The following INSYN2B variants were observed in gnomAD, a reference collection of about 807,000 sequenced individuals.
The protein encoded by INSYN2B is protein INSYN2B.
INSYN2B carries 16 observed loss-of-function variants against 41.2 expected under a neutral mutation model. The observed-to-expected ratio is 0.39, with a 90% CI of 0.26 to 0.59. The LOEUF (loss-of-function observed/expected upper bound fraction) is 0.59. Ranked by LOEUF, INSYN2B falls within the 20% of genes least tolerant of loss-of-function variation. The probability of loss-of-function intolerance (pLI) is 0.57; values close to 1 mark genes in which losing one functional copy is unlikely to be tolerated. For synonymous variants in INSYN2B, 245 were observed against 244.4 expected (o/e 1.00, Z -0.02); for missense variants, 608 against 646.4 (o/e 0.94, Z 0.64).
At chr5:169,937,471 G>A (rs1005683543) in intron 1 of INSYN2B, among the ~76,000 whole-genome samples, 2 of 152,184 alleles carry the variant, frequency 1.3e-5, no homozygotes, top group African/African-American at 4.8e-5. Flanking sequence ...GATGCTGCAC[G>A]CTTATCTGTG....
chr5:169,938,522 T>C (rs1776091478), intron 1 of INSYN2B, among the ~76,000 whole-genome samples: 1 of 152,182 alleles, frequency 6.6e-6, no homozygotes, highest in South Asian at 2.1e-4. Flanking sequence ...TTTCTAAACA[T>C]AGAAAAAGCA....
At chr5:169,957,332 T>C (rs991182129) in intron 1 of INSYN2B, among the ~76,000 whole-genome samples, 5 of 152,242 alleles carry the variant, frequency 3.3e-5, no homozygotes, top group Non-Finnish European at 7.3e-5. Flanking sequence ...TCCTACTTTG[T>C]AGGATTGTCA....
At chr5:169,880,331 G>T (rs556930042) in intron 3 of INSYN2B, among the ~76,000 whole-genome samples, 63 of 152,308 alleles carry the variant, frequency 4.1e-4, no homozygotes, top group African/African-American at 1.4e-3. Flanking sequence ...CAGGCATATG[G>T]TCTCTTACTC....
rs534180108 is a variant in INSYN2B, at chr5:169,869,564, A to C, written c.1422-5105T>G. 1.2e-4 allele frequency among the ~76,000 whole-genome samples: 19 copies of C among 152,216 alleles called. No homozygotes were observed. The South Asian group carries it at 3.9e-3, about 32-fold the overall frequency. On this transcript the variant is annotated intron_variant, in intron 3 of 3. Transcript: ENST00000377365. Reference sequence around the variant, plus strand: ...ATTTTGCTTTGGTGGCAGCTGCCTTATAAATGGGGAGGGACAGAGCCCTCT... The same window carrying C: ...ATTTTGCTTTGGTGGCAGCTGCCTTCTAAATGGGGAGGGACAGAGCCCTCT...
Position 169,975,196 on chromosome 5 carries a change from A to C in INSYN2B, c.-919+5081T>G, listed in dbSNP as rs563130343. ...GTGACAACCATCAGGAATGAGGAAG[A>C]GTCAACATTTAAAACATAATTTGTG... On this transcript the variant is annotated intron_variant, in intron 1 of 3. Coordinates refer to ENST00000377365, the MANE Select transcript of INSYN2B (RefSeq NM_001129891.3). Among the ~76,000 whole-genome samples, 106 of 152,326 alleles carry C rather than the reference A, an allele frequency of 7.0e-4. 1 individual carries two copies. Among genetic ancestry groups the C allele is most frequent in the African/African-American group, 2.4e-3 (99 of 41,570 alleles).
intron 3 of INSYN2B, among the ~76,000 whole-genome samples, chr5:169,879,179 G>A (rs1434871799): frequency 6.6e-6 from 1 of 152,164 alleles, no homozygotes; most frequent in Admixed American, 6.5e-5. Context: ...GACCCAGTGG[G>A]CAATCCATCA....
intron 1 of INSYN2B, among the ~76,000 whole-genome samples, chr5:169,936,151 A>G (rs887777963): frequency 6.6e-6 from 1 of 152,208 alleles, no homozygotes; most frequent in African/African-American, 2.4e-5. Context: ...GGAGATGGAG[A>G]ACAAAATCAA....
intron 1 of INSYN2B, among the ~76,000 whole-genome samples, chr5:169,915,969 T>C (rs1774851904): frequency 6.6e-6 from 1 of 152,160 alleles, no homozygotes; most frequent in South Asian, 2.1e-4. Context: ...TGTAAGATGA[T>C]AAAAAACATG....
chr5:169,922,534 A>G (rs138697187), intron 1 of INSYN2B, among the ~76,000 whole-genome samples: 15 of 152,358 alleles, frequency 9.8e-5, no homozygotes, highest in Non-Finnish European at 4.4e-5. Flanking sequence ...TCACCTTTGA[A>G]TAATACCAAC....
At chr5:169,949,611 G>C (rs1009823583) in intron 1 of INSYN2B, among the ~76,000 whole-genome samples, 1 of 148,930 alleles carries the variant, frequency 6.7e-6, no homozygotes, top group Non-Finnish European at 1.5e-5. Context: ...ATGTGAAATG[G>C]AATGCCATGA....
intron 1 of INSYN2B, among the ~76,000 whole-genome samples, chr5:169,967,830 A>G (rs780502921): frequency 6.6e-6 from 1 of 152,048 alleles, no homozygotes; most frequent in Non-Finnish European, 1.5e-5. Flanking sequence ...CTTTTCTTTC[A>G]AGAAAAATTT....
chr5:169,887,517 A>G (rs1773040872), intron 1 of INSYN2B, among the ~76,000 whole-genome samples: 1 of 152,182 alleles, frequency 6.6e-6, no homozygotes, highest in Non-Finnish European at 1.5e-5. Context: ...CCTTTTGTTC[A>G]CTGAACAACC....
intron 1 of INSYN2B, among the ~76,000 whole-genome samples, chr5:169,939,234 T>C (rs1473139076): frequency 6.6e-6 from 1 of 150,950 alleles, no homozygotes; most frequent in African/African-American, 2.4e-5. Flanking sequence ...TTTAAGCTCT[T>C]TTGTTAAAAA....
At position 169,862,881 on chromosome 5, in the gene INSYN2B, A is replaced by T. The variant is rs542368321; in HGVS notation, c.*1392T>A. ...GTGCTCTGCAAAGATTCTAGCTTAG[A>T]CACTGGATCTTCAGCCAAGGGAATT... On this transcript the variant is annotated 3_prime_UTR_variant, in exon 4 of 4. Coordinates refer to ENST00000377365, the MANE Select transcript of INSYN2B (RefSeq NM_001129891.3). 5.8e-4 allele frequency among the ~76,000 whole-genome samples: 89 copies of T among 152,214 alleles called. No individual in the cohort carries two copies. The highest frequency in any genetic ancestry group is 7.2e-4 in the Non-Finnish European group (49 of 68,036).
intron 1 of INSYN2B, among the ~76,000 whole-genome samples, chr5:169,977,161 C>G (rs1051595279): frequency 6.6e-6 from 1 of 152,182 alleles, no homozygotes; most frequent in Non-Finnish European, 1.5e-5. Context: ...AGCAACTGTT[C>G]CTGAATAAAA....
chr5:169,932,753 T>C (rs555837506), intron 1 of INSYN2B, among the ~76,000 whole-genome samples: 1 of 152,304 alleles, frequency 6.6e-6, no homozygotes, highest in South Asian at 2.1e-4. Flanking sequence ...TCCTCTCTGA[T>C]CCTTTCCTAT....
chr5:169,866,159 G>T (rs1018672319), intron 3 of INSYN2B, among the ~76,000 whole-genome samples: 1 of 152,106 alleles, frequency 6.6e-6, no homozygotes, highest in East Asian at 1.9e-4. Context: ...CTAGGAAAGG[G>T]TATCTGATTG....
chr5:169,887,656 T>G (rs1333581406), intron 1 of INSYN2B, among the ~76,000 whole-genome samples: 1 of 152,246 alleles, frequency 6.6e-6, no homozygotes, highest in Admixed American at 6.5e-5. Context: ...TTTCTAAATA[T>G]TTGGTATTAT....
intron 1 of INSYN2B, among the ~76,000 whole-genome samples, chr5:169,957,151 C>T (rs1776903850): frequency 1.3e-5 from 2 of 152,114 alleles, no homozygotes; most frequent in African/African-American, 4.8e-5. Flanking sequence ...GTGTGATTTG[C>T]TTCTCATTGC....
Sources: allele counts gnomAD v4.1 joint callset (sites outside exome capture counted in the v4.1 genomes callset), GRCh38; gene constraint gnomAD v4.1.1; transcripts MANE v1.5; gene names NCBI Gene and HGNC (gene_info 2026-07-23, HGNC 2026-07-21).